The following BAZ2B variants were observed in gnomAD, a reference collection of about 807,000 sequenced individuals.
BAZ2B encodes the protein bromodomain adjacent to zinc finger domain protein 2B.
Under a neutral mutation model 246.0 loss-of-function variants are expected in BAZ2B, and 91 were observed. The ratio of observed to expected loss-of-function variants is 0.37; its 90% CI spans 0.31 to 0.44. BAZ2B has a LOEUF of 0.44. Ranked by LOEUF, BAZ2B falls within the 20% of genes least tolerant of loss-of-function variation. The pLI is 1.00. For missense variants in BAZ2B, 2,332 were observed against 2,533.7 expected (o/e 0.92, Z 1.71); for synonymous variants, 855 against 860.0 (o/e 0.99, Z 0.10).
chr2:159,667,527 T>C, the BAZ2B span, among the ~76,000 whole-genome samples: 2 of 151,684 alleles, frequency 1.3e-5, no homozygotes, highest in African/African-American at 4.8e-5. Flanking sequence ...ACCCAGGAGG[T>C]GGAGGTTGCA....
chr2:159,428,845 C>T (rs1442529128), intron 11 of BAZ2B, among the ~76,000 whole-genome samples: 3 of 152,080 alleles, frequency 2.0e-5, no homozygotes, highest in Non-Finnish European at 2.9e-5. Context: ...TTGAGTCCCT[C>T]AATTTTGACC....
chr2:159,595,809 GCCAACTGTT>G (rs1690563281), intron 1 of BAZ2B, among the ~76,000 whole-genome samples: 1 of 152,206 alleles, frequency 6.6e-6, no homozygotes, highest in South Asian at 2.1e-4. Flanking sequence ...ATCAAATGTG[GCCAACTGTT>G]CCAACTGTGT....
At position 159,348,797 on chromosome 2, in the gene BAZ2B, TC is replaced by T; in HGVS notation, c.5173del (p.Glu1725ArgfsTer3). The T allele has an allele frequency of 6.2e-7, 1 of 1,609,580 alleles. No individual in the cohort carries two copies. Among genetic ancestry groups the T allele is most frequent in the Non-Finnish European group, 8.5e-7 (1 of 1,178,946 alleles). ...CACTTTGAGCAAAGCTTTTAGGTCC[TC>T]TGGGTCAATAATTCTCCACCAACCA... The part of the protein sequence containing the change: ...QFGWWRIIDP[E>X]DLKALLKVLH... On this transcript the variant is annotated frameshift_variant, in exon 30 of 37. Coordinates refer to ENST00000392783, the MANE Select transcript of BAZ2B (RefSeq NM_013450.4). LOFTEE classifies it high-confidence loss of function.
intron 13 of BAZ2B, among the ~76,000 whole-genome samples, chr2:159,426,507 G>A (rs561647640): frequency 4.6e-5 from 7 of 151,914 alleles, no homozygotes; most frequent in Non-Finnish European, 1.0e-4. Context: ...CTAAGAATCT[G>A]GTGACAGATT....
chr2:159,648,776 C>T, the BAZ2B span, among the ~76,000 whole-genome samples: 62 of 151,918 alleles, frequency 4.1e-4, no homozygotes, highest in Non-Finnish European at 8.2e-4. Flanking sequence ...TTGCTATGAA[C>T]GTTTATATAA....
At chr2:159,631,997 G>A in the BAZ2B span, among the ~76,000 whole-genome samples, 5 of 152,122 alleles carry the variant, frequency 3.3e-5, no homozygotes, top group Non-Finnish European at 5.9e-5. Flanking sequence ...TAGGTAAGCT[G>A]CAGACAATTT....
chr2:159,696,311 G>T, the BAZ2B span, among the ~76,000 whole-genome samples: 5 of 152,062 alleles, frequency 3.3e-5, no homozygotes, highest in African/African-American at 9.7e-5. Context: ...AGTTGGATTT[G>T]GGGGCAAGGC....
chr2:159,390,791 C>T (rs1449803773), intron 20 of BAZ2B, among the ~76,000 whole-genome samples: 1 of 152,076 alleles, frequency 6.6e-6, no homozygotes, highest in Non-Finnish European at 1.5e-5. Context: ...ATATGACATG[C>T]ACAAGTTACT....
chr2:159,668,085 A>G, the BAZ2B span, among the ~76,000 whole-genome samples: 61,065 of 152,012 alleles, frequency 0.4, 12,771 homozygotes, highest in African/African-American at 0.5. Context: ...TTTAACGGGT[A>G]GAGATTGTAG....
intron 10 of BAZ2B, among the ~76,000 whole-genome samples, chr2:159,430,630 A>G (rs1030758003): frequency 5.9e-5 from 9 of 152,216 alleles, no homozygotes; most frequent in African/African-American, 1.9e-4. Flanking sequence ...AGAAAGGTTC[A>G]AAACCAAAGG....
chr2:159,577,464 A>C lies in BAZ2B; in HGVS notation c.-45-21599T>G, dbSNP rs190261866. ...CTTTCTGTAAGTATGCATTACCTTTATAATCAGAAAAAAACTATTTTGATT... is the reference window on the plus strand; with the variant it reads ...CTTTCTGTAAGTATGCATTACCTTTCTAATCAGAAAAAAACTATTTTGATT... On this transcript the variant is annotated intron_variant, in intron 1 of 36. Transcript: ENST00000392783. Among the ~76,000 whole-genome samples the C allele has an allele frequency of 2.7e-3, 416 of 152,330 alleles. 1 individual carries two copies. Among genetic ancestry groups the C allele is most frequent in the Admixed American group, 5.8e-3 (89 of 15,296 alleles).
chr2:159,359,828 C>G (rs1314402464), intron 27 of BAZ2B, among the ~76,000 whole-genome samples: 1 of 152,172 alleles, frequency 6.6e-6, no homozygotes, highest in Non-Finnish European at 1.5e-5. Flanking sequence ...TGTAATCCAT[C>G]ACATAAACAG....
intron 2 of BAZ2B, among the ~76,000 whole-genome samples, chr2:159,549,410 C>T (rs2087818846): frequency 6.6e-6 from 1 of 152,226 alleles, no homozygotes; most frequent in East Asian, 1.9e-4. Context: ...AAGTCTAGAC[C>T]ACGTGTCTCA....
chr2:159,400,591 A>G lies in BAZ2B; in HGVS notation c.2898+8T>C. 6.6e-7 allele frequency: 1 copy of G among 1,511,296 alleles called. No individual in the cohort carries two copies. The highest frequency in any genetic ancestry group is 1.4e-5 in the African/African-American group (1 of 71,404). The allele number at this position is 1,511,296 out of a possible 1,614,324, so 93.6% of individuals were successfully genotyped here. ...TTACTTTAATTATATTAAATTTAAGACTTCTACCTCTAGAATTTGCTGAGC... is the reference window on the plus strand; with the variant it reads ...TTACTTTAATTATATTAAATTTAAGGCTTCTACCTCTAGAATTTGCTGAGC... On this transcript the variant is annotated splice_region_variant and intron_variant, in intron 17 of 36. Coordinates refer to ENST00000392783, the MANE Select transcript of BAZ2B (RefSeq NM_013450.4).
chr2:159,500,529 T>C (rs2081594693), intron 2 of BAZ2B, among the ~76,000 whole-genome samples: 1 of 152,228 alleles, frequency 6.6e-6, no homozygotes, highest in Admixed American at 6.5e-5. Flanking sequence ...TTTATTATAA[T>C]ATTCCTAGTT....
At chr2:159,361,336 A>G (rs2059669285) in intron 27 of BAZ2B, among the ~76,000 whole-genome samples, 1 of 152,258 alleles carries the variant, frequency 6.6e-6, no homozygotes, top group Admixed American at 6.5e-5. Context: ...TGCAGCCAAC[A>G]AACATATGAA....
At chr2:159,478,459 C>G in intron 3 of BAZ2B, 116 bp downstream of exon 3, 1 of 1,159,772 alleles carries the variant, frequency 8.6e-7, no homozygotes. Flanking sequence ...TTAACCTAGC[C>G]TTTATTCAAC....
chr2:159,377,812 C>CAAAAAAAAAAAAAAAAAAAAA (rs35570732), intron 25 of BAZ2B, among the ~76,000 whole-genome samples: 2 of 94,202 alleles, frequency 2.1e-5, no homozygotes, highest in African/African-American at 8.1e-5. Flanking sequence ...ACTCTGTCTC[C>CAAAAAAAAAAAAAAAAAAAAA]AAAAAAAAAA....
At chr2:159,663,855 CTTTTTTTTTTTTTTTTTTTT>C in the BAZ2B span, among the ~76,000 whole-genome samples, 2 of 92,498 alleles carry the variant, frequency 2.2e-5, no homozygotes, top group East Asian at 3.7e-4. Context: ...AAACCATTTT[CTTTTTTTTTTTTTTTTTTTT>C]TTTTTTTTTT....
Sources: allele counts gnomAD v4.1 joint callset (sites outside exome capture counted in the v4.1 genomes callset), GRCh38; gene constraint gnomAD v4.1.1; transcripts MANE v1.5; gene names NCBI Gene and HGNC (gene_info 2026-07-23, HGNC 2026-07-21).